The following GREB1 variants were observed in gnomAD, a reference collection of about 807,000 sequenced individuals.
GREB1 encodes protein GREB1.
Under a neutral mutation model 200.7 loss-of-function variants are expected in GREB1, and 106 were observed. That is an observed-to-expected ratio of 0.53 (90% CI 0.45 to 0.62). GREB1 has a LOEUF of 0.62. Ranked by LOEUF, GREB1 falls within the 20% of genes least tolerant of loss-of-function variation. GREB1 has a pLI of 0.00. For synonymous variants in GREB1, 1,132 were observed against 1,092.4 expected, an observed-to-expected ratio of 1.04 and a Z score of -0.72; for missense variants, 2,243 against 2,556.8, an observed-to-expected ratio of 0.88 and a Z score of 2.65.
Position 11,640,359 on chromosome 2 carries a change from G to T in GREB1, c.5755G>T (p.Glu1919Ter). The T allele has an allele frequency of 6.2e-7, 1 of 1,614,180 alleles. No individual in the cohort carries two copies. The highest frequency in any genetic ancestry group is 1.1e-5 in the South Asian group (1 of 91,086). The stretch of plus-strand genomic sequence containing the variant: ...CCAGACGGTCGTCCGCCTGGAGCTC[G>T]AGGACGAGTGGCAGTTCCGGCTGCG... ...LRQTVVRLEL[E>*]DEWQFRLRDE... is the part of the protein sequence containing the mutation. The change falls in exon 33 of 33, where the codon GAG (glutamate) becomes TAG (stop). Residue 1919 changes from glutamate (E) to a stop codon, truncating the protein, a stop_gained. Coordinates refer to ENST00000381486, the MANE Select transcript of GREB1 (RefSeq NM_014668.4). LOFTEE classifies it high-confidence loss of function. This position sits in a 1 kb window ranked among gnomAD's most constrained non-coding sequence, Gnocchi z 4.6.
intron 1 of GREB1, among the ~76,000 whole-genome samples, chr2:11,547,155 G>A (rs1299733722): frequency 6.6e-6 from 1 of 152,034 alleles, no homozygotes; most frequent in Non-Finnish European, 1.5e-5. Context: ...GTTGGCCAGG[G>A]CGATGTCGAA....
At chr2:11,545,431 C>G (rs946263077) in intron 1 of GREB1, among the ~76,000 whole-genome samples, 1 of 152,148 alleles carries the variant, frequency 6.6e-6, no homozygotes, top group Non-Finnish European at 1.5e-5. Context: ...TGCACCCGGC[C>G]AATCAGCAAC....
At chr2:11,590,735 G>T (rs1238989802) in intron 10 of GREB1, among the ~76,000 whole-genome samples, 1 of 152,210 alleles carries the variant, frequency 6.6e-6, no homozygotes, top group African/African-American at 2.4e-5. Flanking sequence ...GGCATGGTGA[G>T]TGAGTCCTTT....
chr2:11,588,869 C>G lies in GREB1; in HGVS notation c.1283C>G (p.Ala428Gly). The change falls in exon 10 of 33, where the codon GCC (alanine) becomes GGC (glycine). Residue 428 changes from alanine to glycine, a missense_variant. Physicochemically the swap from Ala to Gly is moderately conservative, Grantham distance 60. Transcript: ENST00000381486. ...GCATACGAGCAGTACGGCGCCTCTGCCATCCAGCCCATCTCCGAGGAGATG... is the reference window on the plus strand; with the variant it reads ...GCATACGAGCAGTACGGCGCCTCTGGCATCCAGCCCATCTCCGAGGAGATG... The part of the protein sequence containing the change: ...SRAYEQYGAS[A>G]IQPISEEMQL... 1.9e-6 allele frequency: 3 copies of G among 1,614,140 alleles called. No homozygotes were observed. The highest frequency in any genetic ancestry group is 2.5e-6 in the Non-Finnish European group (3 of 1,179,974).
intron 30 of GREB1, among the ~76,000 whole-genome samples, chr2:11,636,029 G>A (rs1175678066): frequency 6.6e-6 from 1 of 152,164 alleles, no homozygotes; most frequent in Non-Finnish European, 1.5e-5. Context: ...CCTTTCCCAG[G>A]CTCTATCCCT....
rs564863498 is a variant in GREB1, at chr2:11,553,297, G to A, written c.-161-3157G>A. 5.3e-5 allele frequency among the ~76,000 whole-genome samples: 8 copies of A among 152,104 alleles called. No individual in the cohort carries two copies. In the East Asian group the frequency reaches 5.8e-4, roughly 11 times the overall value. On this transcript the variant is annotated intron_variant, in intron 1 of 32. Transcript: ENST00000381486. Reference sequence around the variant, plus strand: ...GGAGCTCTCTTGAGCCCAGGAGTTCGAGACCAGCCTGGGCAACATGGTGAA... The same window carrying A: ...GGAGCTCTCTTGAGCCCAGGAGTTCAAGACCAGCCTGGGCAACATGGTGAA...
At chr2:11,635,018 T>TG (rs568120988) in intron 29 of GREB1, among the ~76,000 whole-genome samples, 54 of 152,360 alleles carry the variant, frequency 3.5e-4, no homozygotes, top group African/African-American at 1.3e-3. Context: ...CCACGGGCAG[T>TG]GCTTTTGTGG....
At chr2:11,498,893 A>G (rs987429316) in intron 1 of GREB1, among the ~76,000 whole-genome samples, 3 of 152,236 alleles carry the variant, frequency 2.0e-5, no homozygotes, top group African/African-American at 7.2e-5. Flanking sequence ...TGTGGCGTGC[A>G]GCTGCTGGCT....
chr2:11,490,916 C>G (rs139454116), intron 1 of GREB1, among the ~76,000 whole-genome samples: 3 of 152,274 alleles, frequency 2.0e-5, no homozygotes, highest in East Asian at 3.9e-4. Flanking sequence ...CCTATGGGAA[C>G]TCTAAGTTAA....
chr2:11,588,588 G>A (rs1046847951), intron 9 of GREB1, 158 bp from the exon 10 acceptor site: 5 of 726,042 alleles, frequency 6.9e-6, no homozygotes, highest in East Asian at 5.3e-5. Flanking sequence ...GGGTGAGCAG[G>A]TGCACTCAAT....
chr2:11,624,249 C>T (rs759875048), intron 23 of GREB1, among the ~76,000 whole-genome samples: 2 of 152,174 alleles, frequency 1.3e-5, no homozygotes, highest in African/African-American at 4.8e-5. Context: ...CCTGCAAGCC[C>T]CGTGCAAGGT....
At chr2:11,630,132 G>T (rs1332497992) in intron 26 of GREB1, 23 bp downstream of exon 26, 5 of 1,612,858 alleles carry the variant, frequency 3.1e-6, no homozygotes, top group Non-Finnish European at 4.2e-6. Context: ...AGACCTAGTG[G>T]GACAGATCCA....
At position 11,572,011 on chromosome 2, in the gene GREB1, G is replaced by A. The variant is rs184741858; in HGVS notation, c.455-4342G>A. ...CAGGCGTGAGCCACCACGCCCAGCC[G>A]AACCATGCATTTTTAATCTATGTCT... On this transcript the variant is annotated intron_variant, in intron 4 of 32. Coordinates refer to ENST00000381486, the MANE Select transcript of GREB1 (RefSeq NM_014668.4). Among the ~76,000 whole-genome samples, 126 of 152,290 alleles carry A rather than the reference G, an allele frequency of 8.3e-4. 1 individual carries two copies. Among genetic ancestry groups the A allele is most frequent in the African/African-American group, 2.9e-3 (120 of 41,574 alleles).
At position 11,631,916 on chromosome 2, in the gene GREB1, A is replaced by T. The variant is rs1273528990; in HGVS notation, c.4619A>T (p.Glu1540Val). Reference sequence around the variant, plus strand: ...GATACCTGTACTTTGCAGAGCCATGAATATATAAAAAGTCCGACATTCACT... The same window carrying T: ...GATACCTGTACTTTGCAGAGCCATGTATATATAAAAAGTCCGACATTCACT... Reference protein sequence around the residue: ...RLPLVTDKSHEYIKSPTFTPT... With the variant: ...RLPLVTDKSHVYIKSPTFTPT... The change falls in exon 27 of 33, where the codon GAA becomes GTA. Residue 1540 changes from glutamate to valine, a missense_variant. Glu to Val is a moderately radical substitution (Grantham distance 121). This residue lies in a region of GREB1 where 478 missense variants were observed against 616.3 expected (regional missense o/e 0.78). Coordinates refer to ENST00000381486, the MANE Select transcript of GREB1 (RefSeq NM_014668.4). The T allele has an allele frequency of 6.2e-7, 1 of 1,613,038 alleles. No individual in the cohort carries two copies. The highest frequency in any genetic ancestry group is 1.7e-5 in the Admixed American group (1 of 60,018).
chr2:11,571,777 G>C (rs913454642), intron 4 of GREB1, among the ~76,000 whole-genome samples: 2 of 151,694 alleles, frequency 1.3e-5, no homozygotes, highest in South Asian at 2.1e-4. Context: ...GTGGCGCGAT[G>C]TCGGCTCACT....
rs758239737 is a variant in GREB1, at chr2:11,585,193, C to T, written c.934C>T (p.Arg312Cys). ...ILSNSGPPKK[R>C]HKGWSPESPS... The stretch of plus-strand genomic sequence containing the variant: ...GTCAAACTCCGGGCCCCCCAAAAAA[C>T]GCCACAAAGGGTGGTCTCCAGAATC... The change falls in exon 8 of 33, where the codon CGC (arginine) becomes TGC (cysteine). Residue 312 changes from arginine to cysteine, a missense_variant. Around this residue, in one of 3 missense-constraint regions of GREB1, gnomAD observed 1,178 missense variants for 1,387.4 expected, o/e 0.85. Transcript: ENST00000381486. The T allele has an allele frequency of 4.4e-6, 7 of 1,580,180 alleles. No individual in the cohort carries two copies. Among genetic ancestry groups the T allele is most frequent in the South Asian group, 1.2e-5 (1 of 85,242 alleles).
At chr2:11,547,121 T>G (rs1278572607) in intron 1 of GREB1, among the ~76,000 whole-genome samples, 1 of 151,806 alleles carries the variant, frequency 6.6e-6, no homozygotes, top group Non-Finnish European at 1.5e-5. Flanking sequence ...TTTTGTATTT[T>G]TAGTACAGAT....
Position 11,618,415 on chromosome 2 carries a change from G to A in GREB1, c.3540G>A (p.Arg1180=). The change falls in exon 22 of 33, where the codon CGG becomes CGA. Residue 1180 remains arginine, a synonymous_variant. Transcript: ENST00000381486. ...GRAPGEKQRP[R]ASQGPPSAIS... ...CCCCTGGTGAGAAACAGAGGCCCCG[G>A]GCAAGTCAGGGGCCACCCTCGGCCA... The A allele has an allele frequency of 6.2e-7, 1 of 1,609,414 alleles. No homozygotes were observed. The highest frequency in any genetic ancestry group is 8.5e-7 in the Non-Finnish European group (1 of 1,178,460).
At chr2:11,486,868 C>T (rs968819956) in intron 1 of GREB1, among the ~76,000 whole-genome samples, 5 of 151,506 alleles carry the variant, frequency 3.3e-5, no homozygotes, top group African/African-American at 4.9e-5. Flanking sequence ...AACTCCATCT[C>T]GGAAAAATAA....
Sources: gnomAD v4.1 joint callset for allele counts (sites outside exome capture counted in the v4.1 genomes callset) on GRCh38, gnomAD v4.1.1 for gene constraint, gnomAD v4.1.1 regional missense constraint, Gnocchi (gnomAD v3.1) non-coding constraint, MANE v1.5 for transcripts, NCBI Gene and HGNC (gene_info 2026-07-23, HGNC 2026-07-21) for gene names.